The following GAP43 variants were observed in gnomAD, a reference collection of about 807,000 sequenced individuals.
GAP43 encodes the protein growth associated protein 43, also known as neuromodulin.
In GAP43, 6 loss-of-function variants were observed where a neutral mutation model predicts 18.6. The ratio of observed to expected loss-of-function variants is 0.32; its 90% CI spans 0.18 to 0.64. The LOEUF (loss-of-function observed/expected upper bound fraction) is 0.64. Among genes scored for constraint, GAP43 ranks in the 30% least tolerant of loss-of-function variants. The pLI, the probability that GAP43 is intolerant of heterozygous loss-of-function variation, is 0.78. For synonymous variants in GAP43, 115 were observed against 111.4 expected (o/e 1.03, Z -0.20); for missense variants, 292 against 295.5 (o/e 0.99, Z 0.09).
At chr3:115,633,856 T>C (rs1210603319) in intron 1 of GAP43, among the ~76,000 whole-genome samples, 2 of 152,194 alleles carry the variant, frequency 1.3e-5, no homozygotes, top group Non-Finnish European at 2.9e-5. Context: ...TGCAAAAAGA[T>C]TGGACAATAA....
At chr3:115,649,194 T>C (rs1708494371) in intron 1 of GAP43, among the ~76,000 whole-genome samples, 5 of 152,064 alleles carry the variant, frequency 3.3e-5, no homozygotes, top group Admixed American at 3.3e-4. Context: ...CTGGTCTCTG[T>C]CTCCAAGATG....
At chr3:115,693,637 C>T (rs1231957902) in intron 2 of GAP43, among the ~76,000 whole-genome samples, 1 of 152,074 alleles carries the variant, frequency 6.6e-6, no homozygotes, top group African/African-American at 2.4e-5. Flanking sequence ...GTACCCTGCT[C>T]AGCTGATTTT....
chr3:115,656,641 C>T (rs1289658646), intron 1 of GAP43, among the ~76,000 whole-genome samples: 1 of 152,138 alleles, frequency 6.6e-6, no homozygotes, highest in Non-Finnish European at 1.5e-5. Context: ...ATCTTTCCAT[C>T]GTTCTCAGAA....
intron 1 of GAP43, among the ~76,000 whole-genome samples, chr3:115,666,703 C>G (rs1337712029): frequency 6.6e-6 from 1 of 152,166 alleles, no homozygotes; most frequent in Non-Finnish European, 1.5e-5. Context: ...TACCAAGTAA[C>G]TGGCAGAGCT....
At chr3:115,650,075 A>G (rs1396528764) in intron 1 of GAP43, among the ~76,000 whole-genome samples, 1 of 152,140 alleles carries the variant, frequency 6.6e-6, no homozygotes, top group Non-Finnish European at 1.5e-5. Flanking sequence ...CTTCATTCAC[A>G]AGCTCCTCAG....
At chr3:115,653,641 A>G (rs1255403023) in intron 1 of GAP43, among the ~76,000 whole-genome samples, 2 of 152,078 alleles carry the variant, frequency 1.3e-5, no homozygotes, top group East Asian at 3.9e-4. Flanking sequence ...ATGAGTTGAA[A>G]AAGACTTGAC....
intron 1 of GAP43, chr3:115,658,392 T>G (rs1408485680): frequency 1.3e-5 from 2 of 152,426 alleles, no homozygotes; most frequent in Non-Finnish European, 2.9e-5. Context: ...TACCCCACCT[T>G]CTGCGTTCTG....
At chr3:115,642,635 G>A (rs544337996) in intron 1 of GAP43, among the ~76,000 whole-genome samples, 7 of 151,922 alleles carry the variant, frequency 4.6e-5, no homozygotes, top group Non-Finnish European at 8.8e-5. Context: ...TTGGAGGTTT[G>A]GGGGATAAAT....
At chr3:115,681,701 C>T (rs1708959549) in intron 2 of GAP43, among the ~76,000 whole-genome samples, 1 of 152,174 alleles carries the variant, frequency 6.6e-6, no homozygotes, top group Non-Finnish European at 1.5e-5. Flanking sequence ...TAATAGGTAG[C>T]ACTTAATGAG....
chr3:115,704,727 T>A (rs531671727), intron 2 of GAP43, among the ~76,000 whole-genome samples: 45 of 152,132 alleles, frequency 3.0e-4, no homozygotes, highest in Admixed American at 9.2e-4. Flanking sequence ...TCAAGCAGAT[T>A]TTACTCATTC....
At chr3:115,692,777 G>T (rs1331829157) in intron 2 of GAP43, among the ~76,000 whole-genome samples, 1 of 152,172 alleles carries the variant, frequency 6.6e-6, no homozygotes, top group Non-Finnish European at 1.5e-5. Context: ...GAATGACTCT[G>T]ATGTCTCTAT....
intron 2 of GAP43, among the ~76,000 whole-genome samples, chr3:115,718,173 T>C (rs186697687): frequency 8.1e-4 from 124 of 152,346 alleles, no homozygotes; most frequent in Admixed American, 2.7e-3. Context: ...CTTGTTCCTA[T>C]AACTACTATC....
At chr3:115,678,740 C>G (rs1708923353) in intron 2 of GAP43, among the ~76,000 whole-genome samples, 1 of 152,044 alleles carries the variant, frequency 6.6e-6, no homozygotes, top group Non-Finnish European at 1.5e-5. Context: ...CAGACTTTAT[C>G]ATGGGCATTC....
intron 1 of GAP43, among the ~76,000 whole-genome samples, chr3:115,664,067 AT>A (rs28399378): frequency 0.015 from 2,287 of 152,198 alleles, 59 homozygotes; most frequent in African/African-American, 0.052. Flanking sequence ...AATAGTACCC[AT>A]TGCATAGTTT....
chr3:115,710,642 G>A (rs1195467695), intron 2 of GAP43, among the ~76,000 whole-genome samples: 1 of 152,010 alleles, frequency 6.6e-6, no homozygotes, highest in Non-Finnish European at 1.5e-5. Flanking sequence ...TTTTTATTGA[G>A]ACCAATTAGC....
At chr3:115,623,830 C>G in intron 1 of GAP43, 111 bp downstream of exon 1, 2 of 1,100,504 alleles carry the variant, frequency 1.8e-6, no homozygotes, top group Non-Finnish European at 2.8e-6. Context: ...GTGGTGCTCG[C>G]GCTTCCTTAG....
chr3:115,690,890 G>A (rs1435133780), intron 2 of GAP43, among the ~76,000 whole-genome samples: 1 of 151,638 alleles, frequency 6.6e-6, no homozygotes, highest in Non-Finnish European at 1.5e-5. Flanking sequence ...TGAGTAGCTG[G>A]GACTACAGGC....
At chr3:115,635,518 GAGA>G (rs1259792261) in intron 1 of GAP43, among the ~76,000 whole-genome samples, 7 of 152,052 alleles carry the variant, frequency 4.6e-5, no homozygotes, top group Admixed American at 3.9e-4. Flanking sequence ...ACTGAAAAGG[GAGA>G]AGGAGACTAG....
intron 1 of GAP43, among the ~76,000 whole-genome samples, chr3:115,634,557 C>T (rs547679142): frequency 6.6e-6 from 1 of 152,126 alleles, no homozygotes; most frequent in South Asian, 2.1e-4. Flanking sequence ...TGGAAGATTA[C>T]TCAGGAGTTC....
Sources: allele counts gnomAD v4.1 joint callset (sites outside exome capture counted in the v4.1 genomes callset), GRCh38; gene constraint gnomAD v4.1.1; transcripts MANE v1.5; gene names NCBI Gene and HGNC (gene_info 2026-07-23, HGNC 2026-07-21).